Variants in TSPAN5 observed in about 807,000 individuals in gnomAD.
The protein encoded by TSPAN5 is tetraspanin-5.
Under a neutral mutation model 37.1 loss-of-function variants are expected in TSPAN5, and 10 were observed. The ratio of observed to expected loss-of-function variants is 0.27; its 90% CI spans 0.17 to 0.46. The LOEUF is 0.46. Among genes scored for constraint, TSPAN5 ranks in the 20% least tolerant of loss-of-function variants. TSPAN5 has a pLI of 1.00. For missense variants in TSPAN5, 195 were observed against 326.6 expected, an observed-to-expected ratio of 0.60 and a Z score of 3.11; for synonymous variants, 110 against 118.9, an observed-to-expected ratio of 0.93 and a Z score of 0.48.
chr4:98,652,452 G>A (rs1757211694), intron 1 of TSPAN5, among the ~76,000 whole-genome samples: 1 of 152,182 alleles, frequency 6.6e-6, no homozygotes, highest in African/African-American at 2.4e-5. Flanking sequence ...TGTGGGTGGT[G>A]TTAATTGTGG....
chr4:98,518,654 T>C (rs1323084939), intron 1 of TSPAN5, among the ~76,000 whole-genome samples: 1 of 152,212 alleles, frequency 6.6e-6, no homozygotes, highest in Non-Finnish European at 1.5e-5. Flanking sequence ...AACCTGCAAG[T>C]GGTTCCAGGG....
At chr4:98,498,918 T>C (rs774625798) in intron 2 of TSPAN5, among the ~76,000 whole-genome samples, 1 of 152,166 alleles carries the variant, frequency 6.6e-6, no homozygotes, top group African/African-American at 2.4e-5. Context: ...CAGATGAGTA[T>C]GTCCTGGAGA....
intron 2 of TSPAN5, among the ~76,000 whole-genome samples, chr4:98,500,954 CAGGGAA>C (rs1294709866): frequency 5.3e-5 from 8 of 152,128 alleles, no homozygotes; most frequent in African/African-American, 1.9e-4. Flanking sequence ...CACTAAGGAC[CAGGGAA>C]AGGCATTTTC....
chr4:98,580,843 A>G (rs1755351749), intron 1 of TSPAN5, among the ~76,000 whole-genome samples: 1 of 151,764 alleles, frequency 6.6e-6, no homozygotes, highest in Non-Finnish European at 1.5e-5. Flanking sequence ...CTGCCTGGGT[A>G]GGGGCTACAA....
At chr4:98,518,333 A>G (rs1753781708) in intron 1 of TSPAN5, among the ~76,000 whole-genome samples, 1 of 152,198 alleles carries the variant, frequency 6.6e-6, no homozygotes, top group African/African-American at 2.4e-5. Context: ...ACCAGCCACC[A>G]TGCTAGGTGC....
intron 1 of TSPAN5, among the ~76,000 whole-genome samples, chr4:98,554,609 T>C (rs1754697357): frequency 6.6e-6 from 1 of 152,256 alleles, no homozygotes; most frequent in Non-Finnish European, 1.5e-5. Flanking sequence ...ATATTATCTT[T>C]ATTTCTAGAT....
In TSPAN5 at chr4:98,489,112, T is replaced by A. The variant is rs560392263; in HGVS notation, c.133-2228A>T. Among the ~76,000 whole-genome samples, 600 of 152,228 alleles carry A rather than the reference T, an allele frequency of 3.9e-3. 3 individuals are homozygous for A. Among genetic ancestry groups the A allele is most frequent in the African/African-American group, 0.014 (570 of 41,524 alleles). ...TAATTATGGGAGAAGAAGACACAGCTAACTTGGCACCAGAAAGAAGAGGTA... is the reference window on the plus strand; with the variant it reads ...TAATTATGGGAGAAGAAGACACAGCAAACTTGGCACCAGAAAGAAGAGGTA... On this transcript the variant is annotated intron_variant, in intron 2 of 7. Transcript: ENST00000305798.
chr4:98,638,372 G>A (rs6837959), intron 1 of TSPAN5, among the ~76,000 whole-genome samples: 70,718 of 151,980 alleles, frequency 0.47, 16,669 homozygotes, highest in Middle Eastern at 0.54. Context: ...CAGGTCTAAG[G>A]GAGCTGAGAT....
chr4:98,548,005 C>A (rs1754507748), intron 1 of TSPAN5, among the ~76,000 whole-genome samples: 1 of 100,678 alleles, frequency 9.9e-6, no homozygotes, highest in African/African-American at 4.6e-5. Flanking sequence ...GAGCGAGACT[C>A]TGTCTCAAAA....
chr4:98,555,211 T>C (rs1338146671), intron 1 of TSPAN5, among the ~76,000 whole-genome samples: 2 of 152,170 alleles, frequency 1.3e-5, no homozygotes, highest in Non-Finnish European at 2.9e-5. Context: ...CGATACTTCA[T>C]AATCCCTAAG....
chr4:98,633,160 C>T (rs1000866019), intron 1 of TSPAN5, among the ~76,000 whole-genome samples: 13 of 152,074 alleles, frequency 8.5e-5, no homozygotes, highest in African/African-American at 3.1e-4. Context: ...ATAAAAGGGC[C>T]AGTACATAAA....
intron 7 of TSPAN5, among the ~76,000 whole-genome samples, chr4:98,472,831 G>A (rs970706740): frequency 6.6e-6 from 1 of 152,172 alleles, no homozygotes; most frequent in Non-Finnish European, 1.5e-5. Context: ...GTACCTGTGA[G>A]CAGTCATTCC....
chr4:98,520,989 T>C (rs6817773), intron 1 of TSPAN5, among the ~76,000 whole-genome samples: 32,055 of 151,796 alleles, frequency 0.21, 3,526 homozygotes, highest in South Asian at 0.24. Flanking sequence ...TGGAGTGCAG[T>C]GGCGCAATCT....
At chr4:98,614,437 G>T (rs1427110075) in intron 1 of TSPAN5, among the ~76,000 whole-genome samples, 1 of 152,006 alleles carries the variant, frequency 6.6e-6, no homozygotes, top group Non-Finnish European at 1.5e-5. Context: ...GGGGACAAAG[G>T]TTTCCACACC....
intron 1 of TSPAN5, among the ~76,000 whole-genome samples, chr4:98,628,984 A>G (rs1344678989): frequency 6.6e-6 from 1 of 152,240 alleles, no homozygotes; most frequent in Non-Finnish European, 1.5e-5. Context: ...GGAAATGGGA[A>G]TGCTTTGAAT....
At chr4:98,508,317 T>G (rs1753523361) in intron 1 of TSPAN5, among the ~76,000 whole-genome samples, 1 of 152,148 alleles carries the variant, frequency 6.6e-6, no homozygotes, top group Admixed American at 6.6e-5. Flanking sequence ...CCACCCTTCT[T>G]GGTTTTGACT....
intron 1 of TSPAN5, among the ~76,000 whole-genome samples, chr4:98,521,672 G>A (rs1194551526): frequency 6.6e-6 from 1 of 152,190 alleles, no homozygotes; most frequent in African/African-American, 2.4e-5. Context: ...GTCTTAGATT[G>A]TTCTCCAGCC....
intron 1 of TSPAN5, among the ~76,000 whole-genome samples, chr4:98,517,374 G>A (rs1753758704): frequency 6.6e-6 from 1 of 152,084 alleles, no homozygotes; most frequent in Non-Finnish European, 1.5e-5. Flanking sequence ...CCACAGAATG[G>A]TTCCTGAAAA....
chr4:98,505,417 A>G (rs1405843780), intron 2 of TSPAN5, among the ~76,000 whole-genome samples: 1 of 152,190 alleles, frequency 6.6e-6, no homozygotes, highest in East Asian at 1.9e-4. Flanking sequence ...TGGAGTCACC[A>G]AAGTCCCTGC....
Sources: allele counts gnomAD v4.1 joint callset (sites outside exome capture counted in the v4.1 genomes callset), GRCh38; gene constraint gnomAD v4.1.1; transcripts MANE v1.5; gene names NCBI Gene and HGNC (gene_info 2026-07-23, HGNC 2026-07-21).